Variants in DNAH11 observed in about 807,000 individuals in gnomAD.
DNAH11 encodes axonemal beta dynein heavy chain 11.
In DNAH11, 442 loss-of-function variants were observed where a neutral mutation model predicts 526.0. The ratio of observed to expected loss-of-function variants is 0.84; its 90% CI spans 0.78 to 0.91. The LOEUF (loss-of-function observed/expected upper bound fraction) is 0.91. Among genes scored for constraint, DNAH11 ranks in the 40% least tolerant of loss-of-function variants. DNAH11 has a pLI of 0.00. For synonymous variants in DNAH11, 2,461 were observed against 1,935.9 expected (o/e 1.27, Z -7.12); for missense variants, 6,989 against 5,448.7 (o/e 1.28, Z -8.90).
chr7:21,764,171 G>A (rs1349406373), intron 54 of DNAH11, among the ~76,000 whole-genome samples: 3 of 152,048 alleles, frequency 2.0e-5, no homozygotes, highest in Admixed American at 1.3e-4. Context: ...ATGTAAGAGG[G>A]TAGATCTCAT....
At chr7:21,766,423 T>C (rs955924896) in intron 55 of DNAH11, among the ~76,000 whole-genome samples, 4 of 152,170 alleles carry the variant, frequency 2.6e-5, no homozygotes, top group African/African-American at 9.7e-5. Context: ...GTTCCTAGAA[T>C]AGGTCAGACA....
intron 35 of DNAH11, among the ~76,000 whole-genome samples, chr7:21,696,898 T>G (rs1397236607): frequency 1.3e-5 from 2 of 152,172 alleles, no homozygotes; most frequent in Admixed American, 1.3e-4. Context: ...TAAAAATTAG[T>G]TGTCTATATT....
chr7:21,860,254 A>T (rs1023696805), intron 68 of DNAH11, among the ~76,000 whole-genome samples: 1 of 151,514 alleles, frequency 6.6e-6, no homozygotes, highest in Non-Finnish European at 1.5e-5. Flanking sequence ...CCACAATGAG[A>T]TATCACCTCA....
At chr7:21,862,126 T>TG (rs1286305086) in intron 69 of DNAH11, 103 bp downstream of exon 69, 4 of 1,235,880 alleles carry the variant, frequency 3.2e-6, no homozygotes, top group Non-Finnish European at 3.2e-6. Context: ...AATAGACTTT[T>TG]TTTTTTTTTT....
intron 35 of DNAH11, among the ~76,000 whole-genome samples, chr7:21,696,430 C>G (rs868031940): frequency 6.6e-6 from 1 of 152,088 alleles, no homozygotes; most frequent in African/African-American, 2.4e-5. Flanking sequence ...CTCATAACAG[C>G]TTTCTCTAGC....
rs1785765713 is a variant in DNAH11 at position 21,616,091 on chromosome 7, A to T, written c.4012-118A>T. 4 of 761,094 alleles carry T rather than the reference A, an allele frequency of 5.3e-6. No homozygotes were observed. The East Asian group carries it at 1.1e-4, about 21-fold the overall frequency. The allele number at this position is 761,094 out of a possible 1,614,324, so 47.1% of individuals were successfully genotyped here. On this transcript the variant is annotated intron_variant, in intron 21 of 81. Transcript: ENST00000409508. ...TTTGACAAGTGCAGTTAATATTTTAAAAATTGACTTTCCACTGGATGATAG... is the reference window on the plus strand; with the variant it reads ...TTTGACAAGTGCAGTTAATATTTTATAAATTGACTTTCCACTGGATGATAG...
chr7:21,626,817 C>T lies in DNAH11; in HGVS notation c.4500+6739C>T, dbSNP rs186737524. Among the ~76,000 whole-genome samples, 351 of 136,498 alleles carry T rather than the reference C, an allele frequency of 2.6e-3. 1 individual carries two copies. Among genetic ancestry groups the T allele is most frequent in the African/African-American group, 9.2e-3 (334 of 36,212 alleles). The allele number at this position is 136,498 out of a possible 152,430, so 89.5% of individuals were successfully genotyped here. ...CCAGGCTGGAGTACAGTGGCGTGAT[C>T]TCGGCTCACTGCAAGCTCTGCCTTC... On this transcript the variant is annotated intron_variant, in intron 25 of 81. Transcript: ENST00000409508.
chr7:21,637,939 A>G (rs1441082219), intron 27 of DNAH11, among the ~76,000 whole-genome samples: 1 of 152,182 alleles, frequency 6.6e-6, no homozygotes, highest in East Asian at 1.9e-4. Context: ...TACTAGTAAA[A>G]TTAGAGTATC....
intron 18 of DNAH11, among the ~76,000 whole-genome samples, chr7:21,604,427 C>G (rs2128448221): frequency 6.6e-6 from 1 of 152,282 alleles, no homozygotes; most frequent in Middle Eastern, 3.4e-3. Context: ...CAGGACTTAT[C>G]CAGTCCCTTT....
chr7:21,833,778 G>A lies in DNAH11; in HGVS notation c.10692-8766G>A, dbSNP rs562426510. ...GTGTATTTAAAATATAAGTTTTATT[G>A]TAGAGATGCAAATGAGTATAAATGT... On this transcript the variant is annotated intron_variant, in intron 65 of 81. Transcript: ENST00000409508. 3.8e-4 allele frequency among the ~76,000 whole-genome samples: 58 copies of A among 152,226 alleles called. 1 individual carries two copies. The highest frequency in any genetic ancestry group is 1.4e-3 in the African/African-American group (58 of 41,534).
intron 2 of DNAH11, among the ~76,000 whole-genome samples, chr7:21,549,375 T>C (rs1428953920): frequency 1.1e-5 from 1 of 87,172 alleles, no homozygotes; most frequent in African/African-American, 6.0e-5. Context: ...GGCATTCATA[T>C]TCCCATACTC....
intron 61 of DNAH11, among the ~76,000 whole-genome samples, chr7:21,789,816 C>CTTT (rs1369471553): frequency 6.1e-3 from 429 of 69,880 alleles, no homozygotes; most frequent in East Asian, 0.032. Context: ...TTTTTTCTTT[C>CTTT]TTTCTTTCTT....
At chr7:21,896,915 T>TAAA (rs1315148842) in intron 79 of DNAH11, among the ~76,000 whole-genome samples, 2 of 150,310 alleles carry the variant, frequency 1.3e-5, no homozygotes, top group African/African-American at 5.0e-5. Context: ...ATAAAATAAA[T>TAAA]AAAATAAAAA....
intron 57 of DNAH11, among the ~76,000 whole-genome samples, chr7:21,780,504 G>A (rs1177173404): frequency 3.9e-5 from 6 of 152,146 alleles, no homozygotes; most frequent in Admixed American, 1.3e-4. Context: ...ACAAACATGT[G>A]ATGTTCTAGT....
At chr7:21,799,848 G>A (rs150163243) in intron 61 of DNAH11, among the ~76,000 whole-genome samples, 2 of 152,266 alleles carry the variant, frequency 1.3e-5, no homozygotes, top group African/African-American at 4.8e-5. Context: ...TATTCTGTAA[G>A]TTTTCTTGTT....
chr7:21,738,477 G>T (rs895257099), intron 46 of DNAH11, among the ~76,000 whole-genome samples: 1 of 152,168 alleles, frequency 6.6e-6, no homozygotes, highest in African/African-American at 2.4e-5. Flanking sequence ...CTCCATAAAA[G>T]GTGAGGTGGA....
Position 21,884,326 on chromosome 7 carries a change from G to T in DNAH11, c.12423G>T (p.Glu4141Asp). 6.2e-7 allele frequency: 1 copy of T among 1,612,658 alleles called. No individual in the cohort carries two copies. The highest frequency in any genetic ancestry group is 2.2e-5 in the East Asian group (1 of 44,838). Residue 4141 changes from glutamate (E) to aspartate (D), a missense_variant, in exon 76 of 82, where the codon GAG becomes GAT. Physicochemically the swap from Glu to Asp is conservative, Grantham distance 45. Coordinates refer to ENST00000409508, the MANE Select transcript of DNAH11 (RefSeq NM_001277115.2). ...PWEDLRYLFGEIMYGGHITDD... is the reference protein window; with the variant it reads ...PWEDLRYLFGDIMYGGHITDD... ...AAGATCTCCGTTATCTCTTTGGTGA[G>T]ATCATGTATGGAGGCCACATCACAG...
At chr7:21,566,690 T>C (rs551910961) in intron 6 of DNAH11, among the ~76,000 whole-genome samples, 56 of 152,152 alleles carry the variant, frequency 3.7e-4, no homozygotes, top group African/African-American at 1.1e-3. Flanking sequence ...CGTTATACCA[T>C]GCTCCATATT....
rs372227481 is a variant in DNAH11 at position 21,586,946 on chromosome 7, C to T, written c.1711-1118C>T. Among the ~76,000 whole-genome samples the T allele has an allele frequency of 8.5e-5, 13 of 152,286 alleles. 1 individual carries two copies. The East Asian group carries it at 1.4e-3, about 16-fold the overall frequency. ...TGCCTGGTTTCAAATCCCAGCTCCG[C>T]CACTAGCTGTTACGAATTTGGGAAA... On this transcript the variant is annotated intron_variant, in intron 9 of 81. Coordinates refer to ENST00000409508, the MANE Select transcript of DNAH11 (RefSeq NM_001277115.2).
Sources: gnomAD v4.1 joint callset for allele counts (sites outside exome capture counted in the v4.1 genomes callset) on GRCh38, gnomAD v4.1.1 for gene constraint, MANE v1.5 for transcripts, NCBI Gene and HGNC (gene_info 2026-07-23, HGNC 2026-07-21) for gene names.